PCDH15: variants seen among roughly 807,000 people sequenced by gnomAD.
The protein encoded by PCDH15 is protocadherin related 15, also known as protocadherin-15.
In PCDH15, 129 loss-of-function variants were observed where a neutral mutation model predicts 178.5. The observed-to-expected ratio is 0.72, with a 90% CI of 0.63 to 0.84. PCDH15 has a LOEUF of 0.84. PCDH15 is among the 40% of genes least tolerant of loss of function. The pLI, the probability that PCDH15 is intolerant of heterozygous loss-of-function variation, is 0.00. For synonymous variants in PCDH15, 800 were observed against 732.0 expected (o/e 1.09, Z -1.50); for missense variants, 2,230 against 2,099.9 (o/e 1.06, Z -1.21).
chr10:54,530,153 T>C (rs1347167381), intron 2 of PCDH15, among the ~76,000 whole-genome samples: 3 of 152,132 alleles, frequency 2.0e-5, no homozygotes, highest in South Asian at 2.1e-4. Context: ...AGCCAAATAA[T>C]ATCTTCATAT....
chr10:55,497,576 G>A (rs1271898695), intron 2 of PCDH15, among the ~76,000 whole-genome samples: 1 of 151,200 alleles, frequency 6.6e-6, no homozygotes, highest in Non-Finnish European at 1.5e-5. Context: ...TATTTCCTTG[G>A]GAAAACATTT....
intron 21 of PCDH15, among the ~76,000 whole-genome samples, chr10:53,980,936 G>A (rs2134607792): frequency 6.6e-6 from 1 of 152,184 alleles, no homozygotes; most frequent in Non-Finnish European, 1.5e-5. Context: ...TAAATATTAT[G>A]TGGTTTCCAA....
chr10:53,864,125 A>C (rs1589146624), intron 27 of PCDH15, among the ~76,000 whole-genome samples: 1 of 152,210 alleles, frequency 6.6e-6, no homozygotes, highest in East Asian at 1.9e-4. Flanking sequence ...TTAAATTGAT[A>C]CTGATGCAGG....
At chr10:54,640,744 G>GA (rs558100527) in intron 2 of PCDH15, among the ~76,000 whole-genome samples, 214 of 147,830 alleles carry the variant, frequency 1.4e-3, no homozygotes, top group African/African-American at 3.7e-3. Flanking sequence ...ATTAGAAAAA[G>GA]AAAAAAAAAA....
chr10:54,062,237 A>AC (rs2094035196), intron 18 of PCDH15, among the ~76,000 whole-genome samples: 3 of 95,998 alleles, frequency 3.1e-5, no homozygotes, highest in Admixed American at 2.4e-4. Flanking sequence ...CAAAAAAAAA[A>AC]AAAAAAAAAA....
At chr10:55,553,882 A>G (rs895326887) in intron 2 of PCDH15, among the ~76,000 whole-genome samples, 1 of 151,976 alleles carries the variant, frequency 6.6e-6, no homozygotes, top group African/African-American at 2.4e-5. Context: ...GAACCTGACT[A>G]TAAAAGGCAC....
intron 24 of PCDH15, among the ~76,000 whole-genome samples, chr10:53,940,027 G>A (rs1230279302): frequency 2.0e-5 from 3 of 152,128 alleles, no homozygotes; most frequent in Non-Finnish European, 4.4e-5. Context: ...TACACGGGCA[G>A]CAATACCTAG....
At chr10:54,099,531 T>TAA (rs1554965295) in intron 15 of PCDH15, among the ~76,000 whole-genome samples, 5 of 129,668 alleles carry the variant, frequency 3.9e-5, no homozygotes, top group Non-Finnish European at 8.2e-5. Context: ...TATATATATA[T>TAA]AAAACAAAAA....
chr10:54,243,292 G>A (rs553122826), intron 8 of PCDH15, among the ~76,000 whole-genome samples: 232 of 152,214 alleles, frequency 1.5e-3, no homozygotes, highest in African/African-American at 5.4e-3. Flanking sequence ...GGCAGATCAC[G>A]AGGTCAGGGA....
intron 2 of PCDH15, among the ~76,000 whole-genome samples, chr10:55,098,425 T>A (rs903220306): frequency 7.9e-5 from 12 of 152,222 alleles, no homozygotes; most frequent in African/African-American, 2.9e-4. Context: ...CCCAAATAAT[T>A]TTCTCTTCTA....
chr10:53,997,274 C>G (rs1454947899), intron 20 of PCDH15, among the ~76,000 whole-genome samples: 5 of 152,094 alleles, frequency 3.3e-5, no homozygotes, highest in Non-Finnish European at 1.5e-5. Flanking sequence ...TTTTAGTTCT[C>G]TATAATGAGG....
intron 1 of PCDH15, among the ~76,000 whole-genome samples, chr10:54,754,124 G>A (rs537983536): frequency 3.9e-5 from 6 of 152,000 alleles, no homozygotes; most frequent in East Asian, 1.9e-4. Context: ...CACCGCGCCC[G>A]GCTCCCCAAA....
intron 13 of PCDH15, among the ~76,000 whole-genome samples, chr10:54,168,979 C>T (rs1244340842): frequency 6.6e-6 from 1 of 152,150 alleles, no homozygotes; most frequent in East Asian, 1.9e-4. Context: ...AATGCCTGAA[C>T]CGCAGCGGCC....
intron 17 of PCDH15, among the ~76,000 whole-genome samples, chr10:54,072,587 C>T: frequency 6.6e-6 from 1 of 152,140 alleles, no homozygotes; most frequent in Non-Finnish European, 1.5e-5. Flanking sequence ...TCCTCCTCAT[C>T]CCCTACTGCC....
At chr10:54,964,083 G>T (rs1290068977) in intron 2 of PCDH15, among the ~76,000 whole-genome samples, 1 of 152,206 alleles carries the variant, frequency 6.6e-6, no homozygotes, top group Non-Finnish European at 1.5e-5. Flanking sequence ...GAGGCGTCTT[G>T]TGTCTCATTG....
intron 2 of PCDH15, among the ~76,000 whole-genome samples, chr10:54,985,336 G>A (rs1839337328): frequency 6.6e-6 from 1 of 152,038 alleles, no homozygotes; most frequent in Non-Finnish European, 1.5e-5. Context: ...AAATATTTGT[G>A]TTTATACTCA....
chr10:55,569,824 T>C (rs1842372636), intron 2 of PCDH15, among the ~76,000 whole-genome samples: 1 of 152,004 alleles, frequency 6.6e-6, no homozygotes, highest in South Asian at 2.1e-4. Context: ...TCTATTTCTG[T>C]CTATGTCTAT....
intron 2 of PCDH15, among the ~76,000 whole-genome samples, chr10:55,030,385 G>A (rs1391354694): frequency 6.6e-6 from 1 of 152,154 alleles, no homozygotes. Context: ...CAGTGGTGAA[G>A]TTGAGGGATA....
At chr10:55,301,166 G>C (rs1406905880) in intron 1 of PCDH15, among the ~76,000 whole-genome samples, 1 of 152,036 alleles carries the variant, frequency 6.6e-6, no homozygotes, top group African/African-American at 2.4e-5. Flanking sequence ...TGTTTAATTT[G>C]GCAACAAACT....
Sources: gnomAD v4.1 joint callset for allele counts (sites outside exome capture counted in the v4.1 genomes callset) on GRCh38, gnomAD v4.1.1 for gene constraint, MANE v1.5 for transcripts, NCBI Gene and HGNC (gene_info 2026-07-23, HGNC 2026-07-21) for gene names.